The following RBMS3 variants were observed in gnomAD, a reference collection of about 807,000 sequenced individuals.
RBMS3 encodes the protein RNA-binding motif, single-stranded-interacting protein 3.
Under a neutral mutation model 66.8 loss-of-function variants are expected in RBMS3, and 27 were observed. The ratio of observed to expected loss-of-function variants is 0.40; its 90% CI spans 0.30 to 0.56. RBMS3 has a LOEUF of 0.56. RBMS3 is among the 20% of genes least tolerant of loss of function. RBMS3 has a pLI of 0.40. For synonymous variants in RBMS3, 188 were observed against 183.0 expected (o/e 1.03, Z -0.22); for missense variants, 513 against 549.5 (o/e 0.93, Z 0.66).
intron 12 of RBMS3, among the ~76,000 whole-genome samples, chr3:29,979,128 C>T (rs1191505538): frequency 1.3e-5 from 2 of 151,896 alleles, no homozygotes; most frequent in Non-Finnish European, 2.9e-5. Flanking sequence ...GCAAGACTGC[C>T]TCTAAAACAA....
At chr3:29,755,627 G>A (rs1164655408) in intron 5 of RBMS3, among the ~76,000 whole-genome samples, 2 of 152,226 alleles carry the variant, frequency 1.3e-5, no homozygotes, top group Non-Finnish European at 1.5e-5. Context: ...TGTTTCCAGA[G>A]TTCATTGAGA....
intron 12 of RBMS3, among the ~76,000 whole-genome samples, chr3:29,950,384 G>A (rs776487670): frequency 6.6e-6 from 1 of 151,770 alleles, no homozygotes; most frequent in African/African-American, 2.4e-5. Flanking sequence ...TACATAATAC[G>A]CAGCAGAGCA....
At chr3:29,750,280 A>G (rs2055114330) in intron 5 of RBMS3, among the ~76,000 whole-genome samples, 1 of 152,158 alleles carries the variant, frequency 6.6e-6, no homozygotes, top group Non-Finnish European at 1.5e-5. Flanking sequence ...TTTTCCACGA[A>G]TTTTTTGAAG....
intron 4 of RBMS3, among the ~76,000 whole-genome samples, chr3:29,652,042 A>G (rs939799705): frequency 1.3e-5 from 2 of 152,142 alleles, no homozygotes; most frequent in African/African-American, 4.8e-5. Context: ...CTCTTTGGAT[A>G]ACTACTGACC....
chr3:29,585,639 C>T (rs1439073033), intron 3 of RBMS3, among the ~76,000 whole-genome samples: 1 of 152,078 alleles, frequency 6.6e-6, no homozygotes, highest in Non-Finnish European at 1.5e-5. Flanking sequence ...AGATGACATC[C>T]AGATTATAGT....
chr3:29,988,344 A>G (rs1281650987), intron 13 of RBMS3, 121 bp downstream of exon 13: 2 of 744,878 alleles, frequency 2.7e-6, no homozygotes, highest in South Asian at 1.7e-5. Context: ...AAAATATGAC[A>G]TTGTAAATTC....
intron 4 of RBMS3, among the ~76,000 whole-genome samples, chr3:29,656,936 C>G (rs1010219199): frequency 6.6e-6 from 1 of 152,140 alleles, no homozygotes; most frequent in Non-Finnish European, 1.5e-5. Context: ...ATTCAGGAAA[C>G]CAAGCCTTTT....
intron 7 of RBMS3, among the ~76,000 whole-genome samples, chr3:29,883,700 T>G (rs1577065345): frequency 6.6e-6 from 1 of 152,158 alleles, no homozygotes; most frequent in Non-Finnish European, 1.5e-5. Context: ...ACAAACCCCT[T>G]AGGCATATGG....
chr3:29,800,986 C>G (rs1278627084), intron 6 of RBMS3, among the ~76,000 whole-genome samples: 1 of 142,370 alleles, frequency 7.0e-6, no homozygotes, highest in East Asian at 2.0e-4. Flanking sequence ...CTCAAGTGTG[C>G]ATGCGTGCAC....
At chr3:29,919,474 G>A (rs947594218) in intron 10 of RBMS3, among the ~76,000 whole-genome samples, 1 of 152,162 alleles carries the variant, frequency 6.6e-6, no homozygotes, top group Non-Finnish European at 1.5e-5. Context: ...CTCATATATA[G>A]GTGTGTATAC....
At chr3:29,286,831 C>CAA (rs1470099517) in intron 1 of RBMS3, among the ~76,000 whole-genome samples, 1 of 151,726 alleles carries the variant, frequency 6.6e-6, no homozygotes, top group Non-Finnish European at 1.5e-5. Flanking sequence ...ACCAAAACAA[C>CAA]AAAAAAAGTA....
chr3:29,480,406 C>T lies in RBMS3; in HGVS notation c.249-8035C>T, dbSNP rs77256200. 9.1e-3 allele frequency among the ~76,000 whole-genome samples: 1,389 copies of T among 151,892 alleles called. 21 individuals carry two copies. The highest frequency in any genetic ancestry group is 0.032 in the African/African-American group (1,316 of 41,260). On this transcript the variant is annotated intron_variant, in intron 2 of 14. Coordinates refer to ENST00000383767, the MANE Select transcript of RBMS3 (RefSeq NM_001003793.3). Reference sequence around the variant, plus strand: ...ACTGAGGATTCAGCTTGTCTACACACACTTTCTGGAACATGATGGAAGAGA... The same window carrying T: ...ACTGAGGATTCAGCTTGTCTACACATACTTTCTGGAACATGATGGAAGAGA...
chr3:29,564,361 C>T (rs2046666414), intron 3 of RBMS3, among the ~76,000 whole-genome samples: 2 of 151,788 alleles, frequency 1.3e-5, no homozygotes, highest in Non-Finnish European at 1.5e-5. Flanking sequence ...TGGTGGGCAC[C>T]TGTAATCCCA....
chr3:29,431,050 A>G (rs868023388), intron 1 of RBMS3, among the ~76,000 whole-genome samples: 2 of 152,220 alleles, frequency 1.3e-5, no homozygotes, highest in South Asian at 2.1e-4. Flanking sequence ...CCAAGAAGCT[A>G]AACAGAATAC....
intron 1 of RBMS3, among the ~76,000 whole-genome samples, chr3:29,407,121 ATAAACT>A (rs1333089477): frequency 2.0e-5 from 3 of 152,242 alleles, no homozygotes; most frequent in East Asian, 3.9e-4. Context: ...CAGTTCAGTG[ATAAACT>A]TAAAAACAAG....
At chr3:29,477,041 C>A (rs1158212863) in intron 2 of RBMS3, among the ~76,000 whole-genome samples, 1 of 152,192 alleles carries the variant, frequency 6.6e-6, no homozygotes, top group Non-Finnish European at 1.5e-5. Context: ...AAGCTTACAG[C>A]AGCTGCTACA....
chr3:29,350,042 C>A (rs1446876185), intron 1 of RBMS3, among the ~76,000 whole-genome samples: 1 of 151,918 alleles, frequency 6.6e-6, no homozygotes, highest in Non-Finnish European at 1.5e-5. Context: ...TGCCTGTAAT[C>A]CCAGCTACTC....
At chr3:29,533,367 A>G (rs1300199447) in intron 3 of RBMS3, among the ~76,000 whole-genome samples, 1 of 152,146 alleles carries the variant, frequency 6.6e-6, no homozygotes, top group African/African-American at 2.4e-5. Context: ...CCTTAGTCTC[A>G]GCTACTTGGG....
In RBMS3 at chr3:29,993,946, AACAGCTCCAGTCT is replaced by A. The variant is rs571551443; in HGVS notation, c.1307+2746_1307+2758del. On this transcript the variant is annotated intron_variant, in intron 14 of 14. Transcript: ENST00000383767. ...GGAGGAACCAAGATGGCCGAATAGGAACAGCTCCAGTCTACAGCTCCCAGTGTGAGCGACGCAG... is the reference window on the plus strand; with the variant it reads ...GGAGGAACCAAGATGGCCGAATAGGAACAGCTCCCAGTGTGAGCGACGCAG... Among the ~76,000 whole-genome samples the A allele has an allele frequency of 3.6e-3, 548 of 152,298 alleles. 2 individuals carry two copies. The highest frequency in any genetic ancestry group is 0.012 in the African/African-American group (518 of 41,568).
Sources: gnomAD v4.1 joint callset for allele counts (sites outside exome capture counted in the v4.1 genomes callset) on GRCh38, gnomAD v4.1.1 for gene constraint, MANE v1.5 for transcripts, NCBI Gene and HGNC (gene_info 2026-07-23, HGNC 2026-07-21) for gene names.